Variants in SASH1 observed in about 807,000 individuals in gnomAD.
SASH1 encodes SAM and SH3 domain containing 1.
In SASH1, 44 loss-of-function variants were observed where a neutral mutation model predicts 125.2. That is an observed-to-expected ratio of 0.35 (90% CI 0.28 to 0.45). SASH1 has a LOEUF of 0.45. Ranked by LOEUF, SASH1 falls within the 20% of genes least tolerant of loss-of-function variation. The pLI is 1.00. For missense variants in SASH1, 1,426 were observed against 1,614.5 expected, an observed-to-expected ratio of 0.88 and a Z score of 2.00; for synonymous variants, 639 against 649.1, an observed-to-expected ratio of 0.98 and a Z score of 0.24.
At chr6:148,385,012 C>T (rs922570533) in intron 1 of SASH1, among the ~76,000 whole-genome samples, 1 of 152,158 alleles carries the variant, frequency 6.6e-6, no homozygotes, top group Non-Finnish European at 1.5e-5. Context: ...GGATGGCAGA[C>T]AAGACCCACT....
At chr6:148,451,416 CA>C (rs1316379125) in intron 4 of SASH1, among the ~76,000 whole-genome samples, 1 of 152,160 alleles carries the variant, frequency 6.6e-6, no homozygotes, top group Non-Finnish European at 1.5e-5. Context: ...CATAAATTGC[CA>C]AATCTTTTTC....
At chr6:148,458,111 G>A (rs1424938839) in intron 4 of SASH1, among the ~76,000 whole-genome samples, 1 of 152,196 alleles carries the variant, frequency 6.6e-6, no homozygotes, top group Non-Finnish European at 1.5e-5. Flanking sequence ...CTGGAGTTGG[G>A]CTTTCCAAGG....
the SASH1 span, among the ~76,000 whole-genome samples, chr6:148,229,149 A>G: frequency 7.0e-6 from 1 of 143,608 alleles, no homozygotes; most frequent in Non-Finnish European, 1.6e-5. Flanking sequence ...AAAAAAAAAA[A>G]AAAAAAAACA....
intron 2 of SASH1, among the ~76,000 whole-genome samples, chr6:148,436,618 G>A (rs1273408024): frequency 6.6e-6 from 1 of 152,196 alleles, no homozygotes; most frequent in Admixed American, 6.5e-5. Context: ...CTGCTGTGAG[G>A]AAGCCTCAGC....
chr6:148,353,714 C>G (rs950231423), intron 1 of SASH1, among the ~76,000 whole-genome samples: 1 of 152,014 alleles, frequency 6.6e-6, no homozygotes, highest in Non-Finnish European at 1.5e-5. Flanking sequence ...GGATTACAGG[C>G]GTGAGCCACC....
chr6:148,217,773 A>AGTGGGAG, the SASH1 span, among the ~76,000 whole-genome samples: 1 of 151,598 alleles, frequency 6.6e-6, no homozygotes, highest in African/African-American at 2.4e-5. Context: ...AGGAAGCTAA[A>AGTGGGAG]GTGGGAGGTG....
At chr6:148,490,084 T>C (rs1257307404) in intron 8 of SASH1, among the ~76,000 whole-genome samples, 1 of 148,432 alleles carries the variant, frequency 6.7e-6, no homozygotes, top group Non-Finnish European at 1.5e-5. Context: ...ATAATAATAA[T>C]AATTTAACTT....
chr6:148,362,750 A>C (rs181563965), intron 1 of SASH1, among the ~76,000 whole-genome samples: 4 of 152,178 alleles, frequency 2.6e-5, no homozygotes, highest in Admixed American at 2.6e-4. Context: ...TGGAAGGATG[A>C]AGCAGGAGGA....
At chr6:148,366,347 C>T (rs1315239345) in intron 1 of SASH1, among the ~76,000 whole-genome samples, 1 of 152,086 alleles carries the variant, frequency 6.6e-6, no homozygotes, top group African/African-American at 2.4e-5. Flanking sequence ...GAAAGGTAGA[C>T]ACTGTGCTGA....
In SASH1 at chr6:148,505,634, G is replaced by GT. The variant is rs541914315; in HGVS notation, c.730-8679dup. The stretch of plus-strand genomic sequence containing the variant: ...CTGGTTGTTGGGTTTTTTTGTTGTT[G>GT]TTTTTTTTTTTCTTTTTTCTTTTTG... On this transcript the variant is annotated intron_variant, in intron 8 of 19. Coordinates refer to ENST00000367467, the MANE Select transcript of SASH1 (RefSeq NM_015278.5). Among the ~76,000 whole-genome samples the GT allele has an allele frequency of 8.8e-3, 1,242 of 141,250 alleles. 18 individuals carry two copies. The highest frequency in any genetic ancestry group is 0.023 in the African/African-American group (878 of 38,476). 92.7% of individuals were successfully genotyped at this position (141,250 alleles called of 152,430 possible).
At chr6:148,364,699 G>A (rs540576256) in intron 1 of SASH1, among the ~76,000 whole-genome samples, 1 of 152,278 alleles carries the variant, frequency 6.6e-6, no homozygotes, top group East Asian at 1.9e-4. Context: ...GAAATGGGAA[G>A]AACACAAGGA....
At chr6:148,390,292 G>T (rs1186151227) in intron 2 of SASH1, 30 bp downstream of exon 2, 2 of 1,603,184 alleles carry the variant, frequency 1.2e-6, no homozygotes, top group Admixed American at 3.4e-5. Context: ...ATATGCTTCT[G>T]TGAGCAGAGC....
intron 10 of SASH1, among the ~76,000 whole-genome samples, chr6:148,522,309 T>C (rs897230845): frequency 6.8e-6 from 1 of 146,724 alleles, no homozygotes; most frequent in African/African-American, 2.6e-5. Context: ...ATCCAGAGAA[T>C]GTAAATAAGT....
intron 4 of SASH1, among the ~76,000 whole-genome samples, chr6:148,464,737 T>C (rs1777759412): frequency 6.6e-6 from 1 of 152,200 alleles, no homozygotes; most frequent in African/African-American, 2.4e-5. Flanking sequence ...AGAAAGTCAC[T>C]GCATCCAAAT....
intron 4 of SASH1, among the ~76,000 whole-genome samples, chr6:148,456,376 T>C (rs1777347493): frequency 6.6e-6 from 1 of 152,212 alleles, no homozygotes; most frequent in Non-Finnish European, 1.5e-5. Flanking sequence ...GCTCTTAACC[T>C]GGGCCTGCCT....
chr6:148,498,098 G>A (rs181773000), intron 8 of SASH1, among the ~76,000 whole-genome samples: 2 of 152,038 alleles, frequency 1.3e-5, no homozygotes, highest in Non-Finnish European at 2.9e-5. Flanking sequence ...ACATATCAAA[G>A]GCTGGCTGGG....
intron 2 of SASH1, among the ~76,000 whole-genome samples, chr6:148,417,103 C>T (rs1784850578): frequency 6.6e-6 from 1 of 152,242 alleles, no homozygotes; most frequent in South Asian, 2.1e-4. Flanking sequence ...GGAACCCCTG[C>T]CCTGGGAGAA....
chr6:148,510,573 G>A (rs750802601), intron 8 of SASH1, among the ~76,000 whole-genome samples: 1 of 151,946 alleles, frequency 6.6e-6, no homozygotes, highest in African/African-American at 2.4e-5. Context: ...TATCTTCTAC[G>A]AAGTTTTTCA....
chr6:148,514,964 T>C lies in SASH1; in HGVS notation c.862+508T>C, dbSNP rs565754226. Among the ~76,000 whole-genome samples the C allele has an allele frequency of 4.7e-4, 71 of 152,290 alleles. 2 individuals carry two copies. The South Asian group carries it at 0.015, about 32-fold the overall frequency. ...TCAAGTCTCAATTCAAATGGGGGCTTTAAGGACCTAGGATTCTAAGAGAAT... is the reference window on the plus strand; with the variant it reads ...TCAAGTCTCAATTCAAATGGGGGCTCTAAGGACCTAGGATTCTAAGAGAAT... On this transcript the variant is annotated intron_variant, in intron 9 of 19. Transcript: ENST00000367467.
Sources: allele counts gnomAD v4.1 joint callset (sites outside exome capture counted in the v4.1 genomes callset), GRCh38; gene constraint gnomAD v4.1.1; transcripts MANE v1.5; gene names NCBI Gene and HGNC (gene_info 2026-07-23, HGNC 2026-07-21).